Variants in RHOU observed in about 807,000 individuals in gnomAD.
RHOU encodes rho-related GTP-binding protein RhoU.
Under a neutral mutation model 12.6 loss-of-function variants are expected in RHOU, and 8 were observed. The observed-to-expected ratio is 0.64, with a 90% CI of 0.37 to 1.15. The LOEUF is 1.15. RHOU is among the 50% of genes most tolerant of loss of function. RHOU has a pLI of 0.01. For missense variants in RHOU, 258 were observed against 347.0 expected (o/e 0.74, Z 2.04); for synonymous variants, 161 against 147.4 (o/e 1.09, Z -0.67).
At chr1:228,709,588 A>G in the RHOU span, among the ~76,000 whole-genome samples, 502 of 147,282 alleles carry the variant, frequency 3.4e-3, 5 homozygotes, top group African/African-American at 0.012. Flanking sequence ...GAAGGCAGAA[A>G]TAAAGATGTT....
the RHOU span, among the ~76,000 whole-genome samples, chr1:228,663,630 T>C: frequency 6.7e-4 from 37 of 55,462 alleles, no homozygotes; most frequent in East Asian, 3.0e-3. Context: ...CTTTTCTTTT[T>C]TTTTTTTTTT....
chr1:228,697,009 C>T, the RHOU span, among the ~76,000 whole-genome samples: 5 of 152,100 alleles, frequency 3.3e-5, no homozygotes, highest in Non-Finnish European at 7.4e-5. Flanking sequence ...CTACATATTC[C>T]TGGTGTCAGT....
At chr1:228,682,687 T>C in the RHOU span, among the ~76,000 whole-genome samples, 1 of 152,162 alleles carries the variant, frequency 6.6e-6, no homozygotes, top group Non-Finnish European at 1.5e-5. Context: ...CAAATCATAA[T>C]GTTGAGTAAA....
At chr1:228,664,595 G>A in the RHOU span, among the ~76,000 whole-genome samples, 100 of 152,250 alleles carry the variant, frequency 6.6e-4, no homozygotes, top group Non-Finnish European at 1.2e-3. Flanking sequence ...TTACCCCACA[G>A]AGCCAAAACC....
At chr1:228,708,187 G>A in the RHOU span, among the ~76,000 whole-genome samples, 6 of 152,178 alleles carry the variant, frequency 3.9e-5, no homozygotes, top group Non-Finnish European at 5.9e-5. Flanking sequence ...TCTGATTGGT[G>A]TACCTGAAAG....
chr1:228,674,472 G>T, the RHOU span, among the ~76,000 whole-genome samples: 1 of 150,766 alleles, frequency 6.6e-6, no homozygotes, highest in Non-Finnish European at 1.5e-5. Flanking sequence ...TCAGCCTCCT[G>T]AGTAGCTGGG....
At chr1:228,707,263 T>TATATATATATATA in the RHOU span, among the ~76,000 whole-genome samples, 27 of 96,828 alleles carry the variant, frequency 2.8e-4, no homozygotes, top group African/African-American at 1.5e-3. Flanking sequence ...ATAGTGTGTG[T>TATATATATATATA]GTGTGTGTGT....
At chr1:228,690,627 GT>G in the RHOU span, among the ~76,000 whole-genome samples, 1 of 139,222 alleles carries the variant, frequency 7.2e-6, no homozygotes, top group Admixed American at 7.2e-5. Context: ...CGGCTGTTTG[GT>G]TTTTTTTGAG....
At chr1:228,696,269 T>G in the RHOU span, among the ~76,000 whole-genome samples, 1 of 150,682 alleles carries the variant, frequency 6.6e-6, no homozygotes, top group Non-Finnish European at 1.5e-5. Flanking sequence ...TTAGAAACAT[T>G]TACTCTGAGG....
the RHOU span, among the ~76,000 whole-genome samples, chr1:228,670,475 A>G: frequency 6.6e-6 from 1 of 152,262 alleles, no homozygotes; most frequent in Non-Finnish European, 1.5e-5. Context: ...CTGAAGAGTG[A>G]ACACCATCTC....
chr1:228,709,990 T>C, the RHOU span, among the ~76,000 whole-genome samples: 80,444 of 151,900 alleles, frequency 0.53, 24,051 homozygotes, highest in African/African-American at 0.84. Flanking sequence ...CACCACCAAT[T>C]CCACAGAAAT....
chr1:228,650,599 G>A, the RHOU span: 2 of 452,434 alleles, frequency 4.4e-6, no homozygotes, highest in African/African-American at 2.0e-5. Context: ...CTGCTGGCGG[G>A]TCTACTTCCT....
chr1:228,670,147 A>G, the RHOU span, among the ~76,000 whole-genome samples: 1 of 152,212 alleles, frequency 6.6e-6, no homozygotes, highest in African/African-American at 2.4e-5. Context: ...ATGAATTAGA[A>G]TCTTGTGGGG....
the RHOU span, among the ~76,000 whole-genome samples, chr1:228,646,969 A>T: frequency 6.6e-6 from 1 of 152,014 alleles, no homozygotes; most frequent in African/African-American, 2.4e-5. Context: ...AGAAAGGGAG[A>T]AGTACAGAGG....
chr1:228,741,689 T>TA (rs1433577022), intron 2 of RHOU, among the ~76,000 whole-genome samples: 3 of 152,326 alleles, frequency 2.0e-5, no homozygotes, highest in African/African-American at 7.2e-5. Flanking sequence ...AAATTTTTTT[T>TA]AGAGAGCAGG....
At chr1:228,709,926 GA>G in the RHOU span, among the ~76,000 whole-genome samples, 2 of 151,626 alleles carry the variant, frequency 1.3e-5, no homozygotes, top group Admixed American at 6.6e-5. Flanking sequence ...GACTAATAAA[GA>G]AAAAAAGAGA....
the RHOU span, among the ~76,000 whole-genome samples, chr1:228,673,739 T>C: frequency 6.6e-6 from 1 of 152,212 alleles, no homozygotes; most frequent in African/African-American, 2.4e-5. Context: ...GCATGCACAA[T>C]TGTGAGCCAA....
At chr1:228,687,491 G>A in the RHOU span, 6 of 1,580,298 alleles carry the variant, frequency 3.8e-6, no homozygotes, top group Non-Finnish European at 5.2e-6. Flanking sequence ...AACTGATGAA[G>A]CTGCAGAACC....
At chr1:228,649,119 C>T in the RHOU span, among the ~76,000 whole-genome samples, 2 of 152,190 alleles carry the variant, frequency 1.3e-5, no homozygotes, top group Non-Finnish European at 2.9e-5. Context: ...CCTGCCTCGG[C>T]CTCTTAAAAT....
Sources: gnomAD v4.1 joint callset for allele counts (sites outside exome capture counted in the v4.1 genomes callset) on GRCh38, gnomAD v4.1.1 for gene constraint, MANE v1.5 for transcripts, NCBI Gene and HGNC (gene_info 2026-07-23, HGNC 2026-07-21) for gene names.